EXOC2: variants seen among roughly 807,000 people sequenced by gnomAD.
EXOC2 encodes the protein SEC5-like 1.
Under a neutral mutation model 131.8 loss-of-function variants are expected in EXOC2, and 70 were observed. The observed-to-expected ratio is 0.53, with a 90% CI of 0.44 to 0.65. The LOEUF (loss-of-function observed/expected upper bound fraction) is 0.65, where lower values mean the gene tolerates loss of function less well. Among genes scored for constraint, EXOC2 ranks in the 30% least tolerant of loss-of-function variants. The probability of loss-of-function intolerance (pLI) is 0.00; values close to 1 mark genes in which losing one functional copy is unlikely to be tolerated. For synonymous variants in EXOC2, 411 were observed against 398.4 expected (o/e 1.03, Z -0.38); for missense variants, 923 against 1,108.6 (o/e 0.83, Z 2.38).
At chr6:611,856 T>C (rs1210516521) in intron 6 of EXOC2, among the ~76,000 whole-genome samples, 11 of 152,220 alleles carry the variant, frequency 7.2e-5, no homozygotes, top group African/African-American at 2.7e-4. Context: ...AAAAAAAGTA[T>C]GTACAACAGT....
intron 22 of EXOC2, among the ~76,000 whole-genome samples, chr6:546,277 A>G (rs1465339386): frequency 2.6e-5 from 4 of 152,326 alleles, no homozygotes; most frequent in Non-Finnish European, 5.9e-5. Flanking sequence ...ATGCATGCAC[A>G]TGGCAGGACG....
At chr6:535,149 A>T (rs1766363300) in intron 22 of EXOC2, among the ~76,000 whole-genome samples, 1 of 152,200 alleles carries the variant, frequency 6.6e-6, no homozygotes, top group Non-Finnish European at 1.5e-5. Flanking sequence ...CAATATCTTA[A>T]AAAGGTAAAT....
At chr6:537,510 G>C (rs1316246739) in intron 22 of EXOC2, among the ~76,000 whole-genome samples, 1 of 152,102 alleles carries the variant, frequency 6.6e-6, no homozygotes, top group Non-Finnish European at 1.5e-5. Context: ...GCGTACACTC[G>C]AGTTGATGAC....
At chr6:500,017 A>C (rs995709293) in intron 23 of EXOC2, among the ~76,000 whole-genome samples, 2 of 152,204 alleles carry the variant, frequency 1.3e-5, no homozygotes, top group African/African-American at 4.8e-5. Context: ...ACACACACAG[A>C]GAATATATAT....
In EXOC2 at chr6:658,606, C is replaced by G. The variant is rs1581644873; in HGVS notation, c.-43-20745G>C. On this transcript the variant is annotated intron_variant, in intron 1 of 27. Coordinates refer to ENST00000230449, the MANE Select transcript of EXOC2 (RefSeq NM_018303.6). Reference sequence around the variant, plus strand: ...ATGAATGTATGAAATGTATAAATTTCAAGATAATTTCAGGATATTTAAAAT... The same window carrying G: ...ATGAATGTATGAAATGTATAAATTTGAAGATAATTTCAGGATATTTAAAAT... Among the ~76,000 whole-genome samples, 3 of 134,358 alleles carry G rather than the reference C, an allele frequency of 2.2e-5. No individual in the cohort carries two copies. In the South Asian group the frequency reaches 7.8e-4, roughly 35 times the overall value. The allele number at this position is 134,358 out of a possible 152,430, so 88.1% of individuals were successfully genotyped here.
chr6:501,697 A>G (rs1764212309), intron 23 of EXOC2, among the ~76,000 whole-genome samples: 1 of 126,270 alleles, frequency 7.9e-6, no homozygotes, highest in African/African-American at 2.9e-5. Context: ...TAAAAGATAT[A>G]TATATCTCTA....
In EXOC2 at chr6:555,963, A is replaced by G; in HGVS notation, c.1983T>C (p.Asn661=). Residue 661 remains asparagine (N), a synonymous_variant, in exon 19 of 28, where the codon AAT becomes AAC. Coordinates refer to ENST00000230449, the MANE Select transcript of EXOC2 (RefSeq NM_018303.6). Reference sequence around the variant, plus strand: ...TGCTTTCTATTATTACCTGCATTATATTGATGCTTAGCTGGCAAACCTCCT... The same window carrying G: ...TGCTTTCTATTATTACCTGCATTATGTTGATGCTTAGCTGGCAAACCTCCT... ...TQEEVCQLSI[N]IMQVFIYCLE... is the part of the protein sequence containing the mutation. 1 of 1,614,122 alleles carries G rather than the reference A, an allele frequency of 6.2e-7. No homozygotes were observed.
intron 4 of EXOC2, among the ~76,000 whole-genome samples, chr6:620,521 A>G (rs1480796246): frequency 6.6e-6 from 1 of 152,186 alleles, no homozygotes; most frequent in African/African-American, 2.4e-5. Flanking sequence ...TAAGGTATAA[A>G]CCAGACACAG....
At chr6:652,055 C>CAAAAAAAAAAAAAAAAAAAAAA (rs779403495) in intron 1 of EXOC2, among the ~76,000 whole-genome samples, 1 of 78,002 alleles carries the variant, frequency 1.3e-5, no homozygotes, top group African/African-American at 4.6e-5. Context: ...GATTCCATCT[C>CAAAAAAAAAAAAAAAAAAAAAA]AAAAAAAAAA....
intron 25 of EXOC2, among the ~76,000 whole-genome samples, chr6:492,228 C>T (rs373555005): frequency 1.3e-5 from 2 of 152,118 alleles, no homozygotes; most frequent in East Asian, 3.8e-4. Context: ...CACTTCACAC[C>T]CACTAGGATG....
At chr6:549,725 T>C (rs1360966293) in intron 21 of EXOC2, among the ~76,000 whole-genome samples, 1 of 152,252 alleles carries the variant, frequency 6.6e-6, no homozygotes, top group Non-Finnish European at 1.5e-5. Flanking sequence ...ATAAAGTAGT[T>C]TATAAATTTT....
intron 13 of EXOC2, among the ~76,000 whole-genome samples, chr6:566,500 C>T (rs143264348): frequency 1.4e-4 from 21 of 152,306 alleles, no homozygotes; most frequent in Admixed American, 3.9e-4. Flanking sequence ...ACCTAACGCA[C>T]GCCCGCTCGG....
chr6:485,859 G>A lies in EXOC2; in HGVS notation c.*812C>T, dbSNP rs1763014939. 1 of 152,286 alleles carries A rather than the reference G, an allele frequency of 6.6e-6. No homozygotes were observed. Among genetic ancestry groups the A allele is most frequent in the Non-Finnish European group, 1.5e-5 (1 of 68,092 alleles). 9.4% of individuals were successfully genotyped at this position (152,286 alleles called of 1,614,324 possible). ...CACGCGGAGCCTGGCCTTTCCGTTA[G>A]GGGACCCTGAAGTCTGCGACCGCCC... On this transcript the variant is annotated 3_prime_UTR_variant, in exon 28 of 28. Transcript: ENST00000230449.
rs913764129 is a variant in EXOC2 at position 668,926 on chromosome 6, T to A, written c.-44+24093A>T. ...TTTTCTGAATATTTTCCATCTGTGATTGGTTGAATCTGTCCATGCAGAACC... is the reference window on the plus strand; with the variant it reads ...TTTTCTGAATATTTTCCATCTGTGAATGGTTGAATCTGTCCATGCAGAACC... On this transcript the variant is annotated intron_variant, in intron 1 of 27. Coordinates refer to ENST00000230449, the MANE Select transcript of EXOC2 (RefSeq NM_018303.6). 9.9e-5 allele frequency among the ~76,000 whole-genome samples: 15 copies of A among 152,230 alleles called. 1 individual carries two copies. The highest frequency in any genetic ancestry group is 9.8e-4 in the Admixed American group (15 of 15,288).
At chr6:518,662 G>T (rs1271303651) in intron 23 of EXOC2, among the ~76,000 whole-genome samples, 1 of 152,096 alleles carries the variant, frequency 6.6e-6, no homozygotes, top group African/African-American at 2.4e-5. Context: ...TGGACAAATG[G>T]TTTTACAGCA....
At chr6:687,629 T>C (rs1764724116) in intron 1 of EXOC2, among the ~76,000 whole-genome samples, 1 of 152,144 alleles carries the variant, frequency 6.6e-6, no homozygotes, top group Admixed American at 6.5e-5. Context: ...AAAGGAAACA[T>C]CCTTGGATTT....
intron 12 of EXOC2, 139 bp from the exon 13 acceptor site, chr6:572,783 C>T (rs1758358036): frequency 5.5e-6 from 6 of 1,081,306 alleles, no homozygotes; most frequent in Non-Finnish European, 5.3e-6. Context: ...TGGACGCTCG[C>T]GGCCCACCTG....
intron 24 of EXOC2, 137 bp downstream of exon 24, chr6:499,507 CT>C: frequency 1.6e-6 from 1 of 632,008 alleles, no homozygotes. Flanking sequence ...CGAGCAAGAG[CT>C]GAACTGTATC....
intron 1 of EXOC2, among the ~76,000 whole-genome samples, chr6:680,690 T>G (rs1764363526): frequency 6.6e-6 from 1 of 152,148 alleles, no homozygotes; most frequent in African/African-American, 2.4e-5. Flanking sequence ...TGCATTTTTT[T>G]GGGCTGGGGG....
Sources: allele counts gnomAD v4.1 joint callset (sites outside exome capture counted in the v4.1 genomes callset), GRCh38; gene constraint gnomAD v4.1.1; transcripts MANE v1.5; gene names NCBI Gene and HGNC (gene_info 2026-07-23, HGNC 2026-07-21).